NR3C2: variants seen among roughly 807,000 people sequenced by gnomAD.
NR3C2 encodes the protein nuclear receptor subfamily 3 group C member 2, also known as mineralocorticoid receptor.
A neutral mutation model predicts 86.4 loss-of-function variants in NR3C2; 15 were observed. The ratio of observed to expected loss-of-function variants is 0.17; its 90% confidence interval spans 0.12 to 0.27. The LOEUF (loss-of-function observed/expected upper bound fraction) is 0.27, where lower values mean the gene tolerates loss of function less well. Ranked by LOEUF, NR3C2 falls within the 10% of genes least tolerant of loss-of-function variation. The pLI, the probability that NR3C2 is intolerant of heterozygous loss-of-function variation, is 1.00. For missense variants in NR3C2, 960 were observed against 1,195.6 expected, an observed-to-expected ratio of 0.80 and a Z score of 2.91; for synonymous variants, 458 against 450.5, an observed-to-expected ratio of 1.02 and a Z score of -0.21.
intron 2 of NR3C2, among the ~76,000 whole-genome samples, chr4:148,376,609 C>A (rs1347540573): frequency 6.6e-6 from 1 of 152,170 alleles, no homozygotes; most frequent in African/African-American, 2.4e-5. Flanking sequence ...TGCAACCTAT[C>A]TATTAATTTA....
intron 3 of NR3C2, among the ~76,000 whole-genome samples, chr4:148,215,058 C>G (rs1434297922): frequency 6.6e-6 from 1 of 152,160 alleles, no homozygotes; most frequent in Non-Finnish European, 1.5e-5. Flanking sequence ...GGATTCTAGC[C>G]TTCTATTTCC....
At chr4:148,110,305 G>A (rs1050885618) in intron 8 of NR3C2, among the ~76,000 whole-genome samples, 16 of 152,202 alleles carry the variant, frequency 1.1e-4, no homozygotes, top group African/African-American at 3.9e-4. Flanking sequence ...AGAAATCCAT[G>A]TGTGTCCTGA....
chr4:148,333,511 T>G, intron 2 of NR3C2, among the ~76,000 whole-genome samples: 1 of 142,070 alleles, frequency 7.0e-6, no homozygotes, highest in East Asian at 2.1e-4. Context: ...CACAGCTATC[T>G]CCTGGAACTT....
At chr4:148,442,780 C>A, upstream of NR3C2, 1 of 985,428 alleles carries the variant, frequency 1.0e-6, no homozygotes, top group Non-Finnish European at 1.2e-6. Flanking sequence ...ATCAGGCGGC[C>A]TCCGCACGCT....
intron 6 of NR3C2, among the ~76,000 whole-genome samples, chr4:148,131,587 C>T (rs1363866252): frequency 1.3e-5 from 2 of 152,132 alleles, no homozygotes; most frequent in Non-Finnish European, 2.9e-5. Context: ...AGTTGCAGTT[C>T]TGACACCTGT....
rs148758208 is a variant in NR3C2, at chr4:148,137,431, T to A, written c.2510+15038A>T. 2.0e-4 allele frequency among the ~76,000 whole-genome samples: 30 copies of A among 152,240 alleles called. No homozygotes were observed. In the East Asian group the frequency reaches 3.3e-3, roughly 17 times the overall value. On this transcript the variant is annotated intron_variant, in intron 6 of 8. Coordinates refer to ENST00000358102, the MANE Select transcript of NR3C2 (RefSeq NM_000901.5). Reference sequence around the variant, plus strand: ...AAATGTAATTGGTCTGTAAATAAGATGATTCATACAAAAGCATCAAGCAGA... The same window carrying A: ...AAATGTAATTGGTCTGTAAATAAGAAGATTCATACAAAAGCATCAAGCAGA...
intron 7 of NR3C2, among the ~76,000 whole-genome samples, chr4:148,115,589 G>GCTA (rs2149729145): frequency 6.6e-6 from 1 of 152,278 alleles, no homozygotes; most frequent in South Asian, 2.1e-4. Context: ...AGATGGTGCT[G>GCTA]AGTATTGTGT....
chr4:148,436,006 G>A lies in NR3C2; in HGVS notation c.855C>T (p.Val285=). The A allele has an allele frequency of 6.2e-7, 1 of 1,614,184 alleles. No homozygotes were observed. Among genetic ancestry groups the A allele is most frequent in the African/African-American group, 1.3e-5 (1 of 75,056 alleles). ...PPSHCSVKSP[V]SSPNNVTLRS... ...TCAGAGTGACATTATTGGGACTGGA[G>A]ACTGGAGATTTTACACTGCAGTGAC... The change falls in exon 2 of 9, where the codon GTC becomes GTT. Residue 285 remains valine, a synonymous_variant. Coordinates refer to ENST00000358102, the MANE Select transcript of NR3C2 (RefSeq NM_000901.5).
Position 148,202,251 on chromosome 4 carries a change from G to A in NR3C2, c.1898-7389C>T, listed in dbSNP as rs371312970. On this transcript the variant is annotated intron_variant, in intron 3 of 8. Coordinates refer to ENST00000358102, the MANE Select transcript of NR3C2 (RefSeq NM_000901.5). ...GGCCTCAGATTGAGCCTCCAGTGGC[G>A]AACACCTCTGCCCACCCTTGATCTT... is the stretch of plus-strand genomic sequence containing the variant. 1.6e-4 allele frequency among the ~76,000 whole-genome samples: 25 copies of A among 152,292 alleles called. No individual in the cohort carries two copies. The South Asian group carries it at 3.1e-3, about 19-fold the overall frequency.
chr4:148,362,627 G>A (rs1038774821), intron 2 of NR3C2, among the ~76,000 whole-genome samples: 3 of 152,214 alleles, frequency 2.0e-5, no homozygotes, highest in South Asian at 2.1e-4. Flanking sequence ...ACTGTGTGCC[G>A]AGACTATACA....
In NR3C2 at chr4:148,134,788, A is replaced by G. The variant is rs76765219; in HGVS notation, c.2511-14500T>C. On this transcript the variant is annotated intron_variant, in intron 6 of 8. Coordinates refer to ENST00000358102, the MANE Select transcript of NR3C2 (RefSeq NM_000901.5). Reference sequence around the variant, plus strand: ...CTCAGCCTTCTAAGTAGCTGGGATTACAGGTGTGCGCCACCTTGCCCGGCT... The same window carrying G: ...CTCAGCCTTCTAAGTAGCTGGGATTGCAGGTGTGCGCCACCTTGCCCGGCT... Among the ~76,000 whole-genome samples the G allele has an allele frequency of 1.1e-4, 16 of 150,370 alleles. 1 individual carries two copies. The East Asian group carries it at 3.1e-3, about 29-fold the overall frequency.
At chr4:148,289,254 T>G (rs541537635) in intron 2 of NR3C2, among the ~76,000 whole-genome samples, 3 of 134,702 alleles carry the variant, frequency 2.2e-5, no homozygotes, top group African/African-American at 8.1e-5. Flanking sequence ...GTCTGAACTT[T>G]ACTTTTAATA....
intron 4 of NR3C2, among the ~76,000 whole-genome samples, chr4:148,190,669 T>C (rs1342919270): frequency 6.6e-6 from 1 of 152,248 alleles, no homozygotes; most frequent in Non-Finnish European, 1.5e-5. Flanking sequence ...GCTGTTTATC[T>C]CATTTCTTAG....
chr4:148,180,210 A>G (rs1735584084), intron 4 of NR3C2, among the ~76,000 whole-genome samples: 1 of 151,944 alleles, frequency 6.6e-6, no homozygotes, highest in South Asian at 2.1e-4. Context: ...TGACCATGCC[A>G]ACTAGTTGTA....
chr4:148,253,863 C>T (rs1032280307), intron 3 of NR3C2, among the ~76,000 whole-genome samples: 1 of 152,170 alleles, frequency 6.6e-6, no homozygotes, highest in African/African-American at 2.4e-5. Flanking sequence ...ATGTCTCCAG[C>T]TATGCTTAGA....
At chr4:148,399,127 A>C (rs563817363) in intron 2 of NR3C2, among the ~76,000 whole-genome samples, 1 of 152,296 alleles carries the variant, frequency 6.6e-6, no homozygotes, top group African/African-American at 2.4e-5. Context: ...CCATCCATTT[A>C]GCATTGCTTT....
chr4:148,284,353 G>C (rs370076060), intron 2 of NR3C2, among the ~76,000 whole-genome samples: 24 of 152,076 alleles, frequency 1.6e-4, no homozygotes, highest in East Asian at 1.2e-3. Flanking sequence ...CAGCAAAAGG[G>C]GTATCATATA....
chr4:148,135,258 C>CATTG (rs1462126611), intron 6 of NR3C2, among the ~76,000 whole-genome samples: 1 of 152,070 alleles, frequency 6.6e-6, no homozygotes, highest in Non-Finnish European at 1.5e-5. Flanking sequence ...CAATCACCCG[C>CATTG]TACAATCACC....
chr4:148,380,364 T>G (rs183740266), intron 2 of NR3C2, among the ~76,000 whole-genome samples: 1 of 152,232 alleles, frequency 6.6e-6, no homozygotes, highest in African/African-American at 2.4e-5. Flanking sequence ...CGTTCATCAG[T>G]TGATAGACAT....
Sources: gnomAD v4.1 joint callset for allele counts (sites outside exome capture counted in the v4.1 genomes callset) on GRCh38, gnomAD v4.1.1 for gene constraint, MANE v1.5 for transcripts, NCBI Gene and HGNC (gene_info 2026-07-23, HGNC 2026-07-21) for gene names.